The following ANKRD28 variants were observed in gnomAD, a reference collection of about 807,000 sequenced individuals.
The protein encoded by ANKRD28 is ankyrin repeat domain 28, also known as serine/threonine-protein phosphatase 6 regulatory ankyrin repeat subunit A.
ANKRD28 carries 44 observed loss-of-function variants against 126.5 expected under a neutral mutation model. The ratio of observed to expected loss-of-function variants is 0.35; its 90% CI spans 0.27 to 0.45. The LOEUF (loss-of-function observed/expected upper bound fraction) is 0.45, where lower values mean the gene tolerates loss of function less well. ANKRD28 is among the 20% of genes least tolerant of loss of function. The probability of loss-of-function intolerance (pLI) is 1.00; values close to 1 mark genes in which losing one functional copy is unlikely to be tolerated. For synonymous variants in ANKRD28, 442 were observed against 468.5 expected, an observed-to-expected ratio of 0.94 and a Z score of 0.73; for missense variants, 1,110 against 1,316.6, an observed-to-expected ratio of 0.84 and a Z score of 2.43.
At chr3:15,780,283 A>G (rs1454168142) in intron 2 of ANKRD28, among the ~76,000 whole-genome samples, 7 of 152,166 alleles carry the variant, frequency 4.6e-5, no homozygotes, top group Non-Finnish European at 5.9e-5. Context: ...AAACTATCTA[A>G]AAAGGAAATT....
At position 15,838,743 on chromosome 3, in the gene ANKRD28, C is replaced by T. The variant is rs1303922832; in HGVS notation, c.27+20634G>A. ...AGCCTGGGCAACAAGAACGAAACTC[C>T]GTCTCAAAAAAAAAAAAAAATCTTC... On this transcript the variant is annotated intron_variant, in intron 1 of 27. Transcript: ENST00000399451. This position sits in a 1 kb window ranked among gnomAD's most constrained non-coding sequence, Gnocchi z 4.0. Among the ~76,000 whole-genome samples, 2 of 118,552 alleles carry T rather than the reference C, an allele frequency of 1.7e-5. No homozygotes were observed. Among genetic ancestry groups the T allele is most frequent in the African/African-American group, 2.6e-5 (1 of 38,504 alleles). 77.8% of individuals were successfully genotyped at this position (118,552 alleles called of 152,430 possible).
intron 2 of ANKRD28, among the ~76,000 whole-genome samples, chr3:15,766,524 A>AT (rs976496578): frequency 6.6e-6 from 1 of 151,934 alleles, no homozygotes; most frequent in Admixed American, 6.6e-5. Flanking sequence ...TCTCTACAAA[A>AT]TTTTTTTTAA....
Position 15,694,795 on chromosome 3 carries a change from T to A in ANKRD28, c.1705A>T (p.Thr569Ser), listed in dbSNP as rs761188073. ...PLDVLMETSG[T>S]DMLSDSDNRA... is the part of the protein sequence containing the mutation. ...TTATCTGAATCACTCAGCATGTCTG[T>A]TCCTGAGGTTTCCATTAACTGAAAA... The change falls in exon 17 of 28, where the codon ACA becomes TCA. Residue 569 changes from threonine to serine, a missense_variant. By Grantham distance (58) the Thr-to-Ser change is moderately conservative (BLOSUM62 1). Transcript: ENST00000683139. 3 of 1,613,372 alleles carry A rather than the reference T, an allele frequency of 1.9e-6. No individual in the cohort carries two copies. The African/African-American group carries it at 4.0e-5, about 22-fold the overall frequency.
intron 1 of ANKRD28, among the ~76,000 whole-genome samples, chr3:15,806,746 T>G (rs1182221793): frequency 6.6e-6 from 1 of 152,148 alleles, no homozygotes. Flanking sequence ...GCTCTTGAAC[T>G]CCTGACCTCA....
Position 15,714,562 on chromosome 3 carries a change from C to T in ANKRD28, c.1075+16G>A. The T allele has an allele frequency of 1.8e-6, 2 of 1,129,216 alleles. No individual in the cohort carries two copies. Among genetic ancestry groups the T allele is most frequent in the South Asian group, 1.7e-5 (1 of 57,196 alleles). The allele number at this position is 1,129,216 out of a possible 1,614,324, so 69.9% of individuals were successfully genotyped here. Reference sequence around the variant, plus strand: ...AAAAAAAAAAACCCCAAAAAAAAAACAGAAATACTTTTTACCACTCTGGAT... The same window carrying T: ...AAAAAAAAAAACCCCAAAAAAAAAATAGAAATACTTTTTACCACTCTGGAT... On this transcript the variant is annotated intron_variant, in intron 9 of 27. Coordinates refer to ENST00000683139, the MANE Select transcript of ANKRD28 (RefSeq NM_001349278.2).
At chr3:15,804,007 C>A (rs2060522787) in intron 1 of ANKRD28, among the ~76,000 whole-genome samples, 1 of 145,280 alleles carries the variant, frequency 6.9e-6, no homozygotes, top group South Asian at 2.3e-4. Flanking sequence ...ATCCAGTACA[C>A]TGAAATTATC....
chr3:15,730,869 G>A (rs1366058043), intron 6 of ANKRD28, among the ~76,000 whole-genome samples: 1 of 152,148 alleles, frequency 6.6e-6, no homozygotes, highest in Non-Finnish European at 1.5e-5. Flanking sequence ...TAAGAGGTGG[G>A]AACTTTAAGA....
chr3:15,762,209 AAAAACAAAAC>A (rs2058509280), intron 3 of ANKRD28, among the ~76,000 whole-genome samples: 3 of 43,680 alleles, frequency 6.9e-5, no homozygotes, highest in African/African-American at 1.6e-4. Flanking sequence ...AAAAAAAAAA[AAAAACAAAAC>A]AAAAAAAAAA....
At position 15,668,355 on chromosome 3, in the gene ANKRD28, AT is replaced by A. The variant is rs879319232; in HGVS notation, c.*1914del. On this transcript the variant is annotated 3_prime_UTR_variant, in exon 28 of 28. Coordinates refer to ENST00000683139, the MANE Select transcript of ANKRD28 (RefSeq NM_001349278.2). ...TATGTATACTTTTAGAATCTGCTTG[AT>A]TTTTTTTTTTTTCAAAAGGTACAAT... 2,277 of 145,132 alleles carry A rather than the reference AT, an allele frequency of 0.016. 48 individuals are homozygous for A. The highest frequency in any genetic ancestry group is 0.048 in the African/African-American group (1,919 of 39,922). 9.0% of individuals were successfully genotyped at this position (145,132 alleles called of 1,614,324 possible).
chr3:15,683,669 A>G (rs533948269), intron 21 of ANKRD28: 1 of 152,334 alleles, frequency 6.6e-6, no homozygotes, highest in African/African-American at 2.4e-5. Flanking sequence ...AAATGTTCTA[A>G]CGGCAAAAGA....
intron 1 of ANKRD28, among the ~76,000 whole-genome samples, chr3:15,857,316 G>A (rs1318695548): frequency 6.6e-6 from 1 of 152,076 alleles, no homozygotes; most frequent in Admixed American, 6.5e-5. Context: ...ATGGAGTCTC[G>A]CTCTGTCGCC....
Position 15,720,760 on chromosome 3 carries a change from C to T in ANKRD28, c.996+155G>A, listed in dbSNP as rs990905171. Among the ~76,000 whole-genome samples the T allele has an allele frequency of 6.6e-5, 10 of 152,210 alleles. No individual in the cohort carries two copies. The East Asian group carries it at 1.5e-3, about 23-fold the overall frequency. ...CATAAATGGAAAGAATGTACATACTCTTGAGTAAGGCTTTCACTCAGCATA... is the reference window on the plus strand; with the variant it reads ...CATAAATGGAAAGAATGTACATACTTTTGAGTAAGGCTTTCACTCAGCATA... On this transcript the variant is annotated intron_variant, in intron 8 of 27. Coordinates refer to ENST00000683139, the MANE Select transcript of ANKRD28 (RefSeq NM_001349278.2).
At position 15,830,582 on chromosome 3, in the gene ANKRD28, C is replaced by T. The variant is rs542680422; in HGVS notation, c.27+28795G>A. Among the ~76,000 whole-genome samples the T allele has an allele frequency of 3.9e-5, 6 of 152,082 alleles. No homozygotes were observed. Among genetic ancestry groups the T allele is most frequent in the East Asian group, 3.9e-4 (2 of 5,166 alleles). Reference sequence around the variant, plus strand: ...ATCTCAAAACCATCCCACCCCCCACCGCACCCCCATCCACGGAAAAATTGT... The same window carrying T: ...ATCTCAAAACCATCCCACCCCCCACTGCACCCCCATCCACGGAAAAATTGT... On this transcript the variant is annotated intron_variant, in intron 1 of 27. Coordinates refer to the ANKRD28 transcript ENST00000399451. This position sits in a 1 kb window ranked among gnomAD's most constrained non-coding sequence, Gnocchi z 4.5.
chr3:15,846,181 G>A lies in ANKRD28; in HGVS notation c.27+13196C>T, dbSNP rs1031781627. Among the ~76,000 whole-genome samples the A allele has an allele frequency of 3.3e-5, 5 of 152,014 alleles. No individual in the cohort carries two copies. The highest frequency in any genetic ancestry group is 4.8e-5 in the African/African-American group (2 of 41,390). Reference sequence around the variant, plus strand: ...GACAAGGCAAGTCTCTTCCATCTACGAGTCTGTAAAATAAAAAACAAGTTA... The same window carrying A: ...GACAAGGCAAGTCTCTTCCATCTACAAGTCTGTAAAATAAAAAACAAGTTA... On this transcript the variant is annotated intron_variant, in intron 1 of 27. Coordinates refer to the ANKRD28 transcript ENST00000399451. This position sits in a 1 kb window ranked among gnomAD's most constrained non-coding sequence, Gnocchi z 5.4.
chr3:15,859,580 C>CCCGCCG lies in ANKRD28; in HGVS notation c.-183_-178dup, dbSNP rs564654804. The CCCGCCG allele has an allele frequency of 1.9e-3, 444 of 228,804 alleles. 3 individuals are homozygous for CCCGCCG. The highest frequency in any genetic ancestry group is 4.7e-3 in the East Asian group (29 of 6,210). The allele number at this position is 228,804 out of a possible 1,614,324, so 14.2% of individuals were successfully genotyped here. A position where few individuals can be genotyped will look rare whatever the true frequency, so the allele number is the denominator to read the frequency against. ...GGGGGCGGCGCCGCCTCCCCGGCCG[C>CCCGCCG]CCGCCGCCGCCGCCGCCGCCGCCGC... On this transcript the variant is annotated 5_prime_UTR_variant, in exon 1 of 28. Coordinates refer to the ANKRD28 transcript ENST00000399451.
chr3:15,792,429 T>C (rs555158468), intron 2 of ANKRD28, among the ~76,000 whole-genome samples: 2 of 152,208 alleles, frequency 1.3e-5, no homozygotes, highest in Non-Finnish European at 1.5e-5. Context: ...AGGGATAGAA[T>C]TGGAGATCAT....
rs1326785484 is a variant in ANKRD28 at position 15,833,971 on chromosome 3, T to C, written c.27+25406A>G. ...TTAAGTTCCTTGTAGATTCTGGATA[T>C]TAGCCTTTTGTCAGATGCAGTTTTC... On this transcript the variant is annotated intron_variant, in intron 1 of 27. Transcript: ENST00000399451. The surrounding 1 kb of genome is among the most constrained non-coding windows in gnomAD (Gnocchi z 4.4). 6.6e-6 allele frequency among the ~76,000 whole-genome samples: 1 copy of C among 152,208 alleles called. No individual in the cohort carries two copies.
chr3:15,679,538 A>T lies in ANKRD28; in HGVS notation c.2415T>A (p.Leu805=). The T allele has an allele frequency of 1.9e-6, 3 of 1,613,080 alleles. No homozygotes were observed. The highest frequency in any genetic ancestry group is 2.5e-6 in the Non-Finnish European group (3 of 1,179,364). ...TTTTCTGGAAAACTTCCTGTTCTAA[A>T]AGCAGTTCTACACATGTCTCGTGAC... ...YNGHETCVEL[L]LEQEVFQKTE... is the part of the protein sequence containing the mutation. Residue 805 remains leucine (L), a synonymous_variant, in exon 22 of 28, where the codon CTT becomes CTA. Transcript: ENST00000683139.
At chr3:15,786,411 A>G (rs898797962) in intron 2 of ANKRD28, among the ~76,000 whole-genome samples, 2 of 152,122 alleles carry the variant, frequency 1.3e-5, no homozygotes, top group Non-Finnish European at 2.9e-5. Flanking sequence ...AATTCCATTT[A>G]TATAACACTC....
Sources: allele counts gnomAD v4.1 joint callset (sites outside exome capture counted in the v4.1 genomes callset), GRCh38; gene constraint gnomAD v4.1.1; non-coding constraint Gnocchi (gnomAD v3.1); transcripts MANE v1.5; gene names NCBI Gene and HGNC (gene_info 2026-07-23, HGNC 2026-07-21).